The following RNF144A variants were observed in gnomAD, a reference collection of about 807,000 sequenced individuals.
RNF144A encodes ring finger protein 144A.
RNF144A carries 11 observed loss-of-function variants against 38.7 expected under a neutral mutation model. The ratio of observed to expected loss-of-function variants is 0.28; its 90% CI spans 0.18 to 0.47. The LOEUF (loss-of-function observed/expected upper bound fraction) is 0.47. RNF144A is among the 20% of genes least tolerant of loss of function. The pLI, the probability that RNF144A is intolerant of heterozygous loss-of-function variation, is 0.99. For missense variants in RNF144A, 316 were observed against 377.2 expected, an observed-to-expected ratio of 0.84 and a Z score of 1.34; for synonymous variants, 149 against 143.9, an observed-to-expected ratio of 1.04 and a Z score of -0.25.
intron 7 of RNF144A, among the ~76,000 whole-genome samples, chr2:7,028,319 C>A (rs1176699890): frequency 6.6e-6 from 1 of 152,234 alleles, no homozygotes; most frequent in Non-Finnish European, 1.5e-5. Context: ...CAGACGACGG[C>A]CCCTGTGTAC....
chr2:6,997,583 G>A (rs1248677619), intron 3 of RNF144A, among the ~76,000 whole-genome samples: 1 of 152,204 alleles, frequency 6.6e-6, no homozygotes, highest in Non-Finnish European at 1.5e-5. Context: ...GGGGCTTAAT[G>A]AATATGGGGA....
At chr2:6,925,954 T>C (rs1277944525) in intron 1 of RNF144A, among the ~76,000 whole-genome samples, 1 of 152,246 alleles carries the variant, frequency 6.6e-6, no homozygotes, top group Non-Finnish European at 1.5e-5. Flanking sequence ...TGTTTGTTTG[T>C]GTTTGGATGT....
At chr2:6,961,195 G>A (rs770604071) in intron 2 of RNF144A, among the ~76,000 whole-genome samples, 9 of 151,922 alleles carry the variant, frequency 5.9e-5, no homozygotes, top group Non-Finnish European at 1.3e-4. Flanking sequence ...ATCAGTCCAT[G>A]GGTTTCTGGT....
At chr2:7,035,736 A>G (rs780925687) in intron 8 of RNF144A, among the ~76,000 whole-genome samples, 9 of 152,170 alleles carry the variant, frequency 5.9e-5, no homozygotes, top group Non-Finnish European at 8.8e-5. Flanking sequence ...GATTATTCTA[A>G]GAGATTTGGG....
rs1490553771 is a variant in RNF144A at position 7,043,393 on chromosome 2, G to A, written c.*3633G>A. ...TTTCTTGGTAGTCTTTAAAAATTAG[G>A]GGATTGAAAGGATCCAGGATGGGCT... On this transcript the variant is annotated 3_prime_UTR_variant, in exon 9 of 9. Transcript: ENST00000320892. 2 of 985,310 alleles carry A rather than the reference G, an allele frequency of 2.0e-6. No individual in the cohort carries two copies. Among genetic ancestry groups the A allele is most frequent in the Non-Finnish European group, 2.4e-6 (2 of 829,828 alleles). 61.0% of individuals were successfully genotyped at this position (985,310 alleles called of 1,614,324 possible).
chr2:7,016,187 T>C (rs753062085), intron 5 of RNF144A, among the ~76,000 whole-genome samples: 2 of 152,038 alleles, frequency 1.3e-5, no homozygotes, highest in East Asian at 1.9e-4. Flanking sequence ...TTTCATGGCA[T>C]TGACATTTGT....
chr2:7,055,477 A>G (rs1467434617), intron 6 of RNF144A, among the ~76,000 whole-genome samples: 4 of 152,180 alleles, frequency 2.6e-5, no homozygotes, highest in African/African-American at 4.8e-5. Flanking sequence ...GTTCCTTCTC[A>G]AAACCATTCT....
chr2:6,973,910 A>G (rs1292619634), intron 2 of RNF144A, among the ~76,000 whole-genome samples: 1 of 152,232 alleles, frequency 6.6e-6, no homozygotes, highest in Non-Finnish European at 1.5e-5. Flanking sequence ...AAAGCCTGAA[A>G]TATTTTCCAT....
At position 7,059,610 on chromosome 2, in the gene RNF144A, G is replaced by A. The variant is rs1004921832; in HGVS notation, c.735-8606G>A. Among the ~76,000 whole-genome samples, 5 of 152,334 alleles carry A rather than the reference G, an allele frequency of 3.3e-5. 1 individual carries two copies. The South Asian group carries it at 1.0e-3, about 32-fold the overall frequency. On this transcript the variant is annotated intron_variant, in intron 6 of 6. Coordinates refer to the RNF144A transcript ENST00000432850. ...ATGAAGATGCAGAGTGACCAGTATA[G>A]AGAGAACCTTGGGGACCAGCTGGAG...
intron 2 of RNF144A, among the ~76,000 whole-genome samples, chr2:6,996,524 G>GT (rs779090980): frequency 6.6e-6 from 1 of 152,158 alleles, no homozygotes; most frequent in Non-Finnish European, 1.5e-5. Context: ...GCAGGTCGAG[G>GT]TGGGGGGATC....
chr2:7,001,833 T>A (rs415204), intron 3 of RNF144A, among the ~76,000 whole-genome samples: 37,423 of 152,150 alleles, frequency 0.25, 5,745 homozygotes, highest in Non-Finnish European at 0.35. Context: ...GGGATATAGG[T>A]TCAGATCTCT....
chr2:7,033,849 C>A (rs973784554), intron 8 of RNF144A, among the ~76,000 whole-genome samples: 6 of 152,226 alleles, frequency 3.9e-5, no homozygotes, highest in African/African-American at 1.4e-4. Context: ...GCACAGTTAT[C>A]TTTGGAAGTA....
At chr2:7,047,588 C>CA (rs1458297946), downstream of RNF144A, among the ~76,000 whole-genome samples, 1 of 152,156 alleles carries the variant, frequency 6.6e-6, no homozygotes, top group African/African-American at 2.4e-5. Flanking sequence ...CCTCTCACAA[C>CA]ATGTGGGAAT....
At chr2:6,990,463 T>C (rs1055066096) in intron 2 of RNF144A, among the ~76,000 whole-genome samples, 1 of 107,078 alleles carries the variant, frequency 9.3e-6, no homozygotes, top group Non-Finnish European at 1.9e-5. Context: ...TAATATATAA[T>C]ATAACATATA....
chr2:6,961,973 A>T (rs1667373292), intron 2 of RNF144A, among the ~76,000 whole-genome samples: 1 of 152,226 alleles, frequency 6.6e-6, no homozygotes, highest in Non-Finnish European at 1.5e-5. Context: ...TTGTTGTTTC[A>T]TGGCCAGGGA....
intron 5 of RNF144A, among the ~76,000 whole-genome samples, chr2:7,015,903 G>A (rs1439998859): frequency 6.6e-6 from 1 of 152,040 alleles, no homozygotes; most frequent in Non-Finnish European, 1.5e-5. Flanking sequence ...AAACATGGCC[G>A]GATGGGGAGT....
intron 1 of RNF144A, among the ~76,000 whole-genome samples, chr2:6,924,358 G>A (rs893988971): frequency 6.6e-5 from 10 of 152,256 alleles, no homozygotes; most frequent in Admixed American, 6.5e-4. Context: ...CTTTGCCTGC[G>A]ATGTGAAGGG....
rs950436305 is a variant in RNF144A at position 7,041,381 on chromosome 2, T to C, written c.*1621T>C. ...AAACAGCGTCACCTCACTCTTCACC[T>C]GTCATGTTGATTTTCCTTATGAACC... On this transcript the variant is annotated 3_prime_UTR_variant, in exon 9 of 9. Coordinates refer to ENST00000320892, the MANE Select transcript of RNF144A (RefSeq NM_014746.6). 4.1e-6 allele frequency: 4 copies of C among 985,900 alleles called. No homozygotes were observed. Among genetic ancestry groups the C allele is most frequent in the Non-Finnish European group, 4.8e-6 (4 of 829,942 alleles). The allele number at this position is 985,900 out of a possible 1,614,324, so 61.1% of individuals were successfully genotyped here. A position where few individuals can be genotyped will look rare whatever the true frequency, so the allele number is the denominator to read the frequency against.
chr2:6,960,891 G>A (rs962835721), intron 2 of RNF144A, among the ~76,000 whole-genome samples: 35 of 151,962 alleles, frequency 2.3e-4, no homozygotes, highest in African/African-American at 8.0e-4. Flanking sequence ...GCTGGCATGC[G>A]CTTACTTTTG....
Sources: gnomAD v4.1 joint callset for allele counts (sites outside exome capture counted in the v4.1 genomes callset) on GRCh38, gnomAD v4.1.1 for gene constraint, MANE v1.5 for transcripts, NCBI Gene and HGNC (gene_info 2026-07-23, HGNC 2026-07-21) for gene names.